DAB1: variants seen among roughly 807,000 people sequenced by gnomAD.
The protein encoded by DAB1 is disabled homolog 1.
A neutral mutation model predicts 64.6 loss-of-function variants in DAB1; 15 were observed. That is an observed-to-expected ratio of 0.23 (90% CI 0.16 to 0.36). The LOEUF (loss-of-function observed/expected upper bound fraction) is 0.36. Ranked by LOEUF, DAB1 falls within the 10% of genes least tolerant of loss-of-function variation. DAB1 has a pLI of 1.00. For synonymous variants in DAB1, 235 were observed against 251.9 expected (o/e 0.93, Z 0.64); for missense variants, 596 against 706.7 (o/e 0.84, Z 1.78).
chr1:58,503,282 C>T (rs1256234028), intron 3 of DAB1, among the ~76,000 whole-genome samples: 2 of 152,096 alleles, frequency 1.3e-5, no homozygotes, highest in Non-Finnish European at 2.9e-5. Flanking sequence ...GTCCCAGGGG[C>T]CTTGGATAGC....
At chr1:57,255,195 A>G (rs1476466560) in intron 2 of DAB1, among the ~76,000 whole-genome samples, 2 of 152,164 alleles carry the variant, frequency 1.3e-5, no homozygotes, top group Admixed American at 1.3e-4. Flanking sequence ...AAACCAATAA[A>G]TATGTCAGAA....
intron 7 of DAB1, among the ~76,000 whole-genome samples, chr1:57,576,229 A>G (rs1289360417): frequency 6.6e-6 from 1 of 152,208 alleles, no homozygotes. Context: ...TAATGTTCTG[A>G]GCACACATAA....
intron 6 of DAB1, among the ~76,000 whole-genome samples, chr1:57,746,604 G>T (rs1648282379): frequency 6.6e-6 from 1 of 152,046 alleles, no homozygotes; most frequent in African/African-American, 2.4e-5. Flanking sequence ...CCCCAAATCT[G>T]CAAATGCTCA....
At chr1:58,113,752 T>A (rs1652131069) in intron 5 of DAB1, among the ~76,000 whole-genome samples, 1 of 152,090 alleles carries the variant, frequency 6.6e-6, no homozygotes, top group African/African-American at 2.4e-5. Flanking sequence ...GTATAGAAGG[T>A]CCTTGAAGTA....
At chr1:58,261,021 A>G (rs1157492486) in intron 4 of DAB1, among the ~76,000 whole-genome samples, 3 of 152,226 alleles carry the variant, frequency 2.0e-5, no homozygotes, top group Non-Finnish European at 2.9e-5. Flanking sequence ...GCAATAATTT[A>G]TCACATAATT....
intron 4 of DAB1, among the ~76,000 whole-genome samples, chr1:58,226,544 A>T (rs1659495226): frequency 1.3e-5 from 2 of 152,174 alleles, no homozygotes; most frequent in African/African-American, 4.8e-5. Context: ...ACATGAATCT[A>T]CAGAGTAGCT....
intron 4 of DAB1, among the ~76,000 whole-genome samples, chr1:57,108,530 T>C (rs1400446170): frequency 2.0e-5 from 3 of 152,198 alleles, no homozygotes; most frequent in Non-Finnish European, 2.9e-5. Flanking sequence ...ATTACTCTTT[T>C]AGCTATTTAT....
At chr1:57,288,562 A>G (rs1284520305) in intron 2 of DAB1, among the ~76,000 whole-genome samples, 2 of 152,134 alleles carry the variant, frequency 1.3e-5, no homozygotes, top group Admixed American at 1.3e-4. Flanking sequence ...ATGAGCCAGG[A>G]AGAGAGCCCT....
At chr1:57,476,627 T>A (rs200353936) in intron 7 of DAB1, among the ~76,000 whole-genome samples, 3 of 152,330 alleles carry the variant, frequency 2.0e-5, no homozygotes, top group East Asian at 3.9e-4. Flanking sequence ...GTGCTGCACA[T>A]ATAAGTGCAT....
chr1:57,344,513 A>G (rs1677924054), intron 1 of DAB1, among the ~76,000 whole-genome samples: 1 of 152,072 alleles, frequency 6.6e-6, no homozygotes, highest in Admixed American at 6.5e-5. Flanking sequence ...GCTAAATTGT[A>G]CACAATTAGT....
chr1:58,530,837 G>A, intron 1 of DAB1: 1 of 650,592 alleles, frequency 1.5e-6, no homozygotes, highest in South Asian at 1.9e-5. Flanking sequence ...CTCCACCTAA[G>A]ACTGAGAGTT....
At chr1:58,206,134 C>T (rs907438526) in intron 4 of DAB1, among the ~76,000 whole-genome samples, 4 of 152,100 alleles carry the variant, frequency 2.6e-5, no homozygotes, top group East Asian at 1.9e-4. Flanking sequence ...CCAGGGTGGT[C>T]GAGGCACGGC....
intron 9 of DAB1, among the ~76,000 whole-genome samples, chr1:57,039,223 CA>C (rs1482696366): frequency 6.6e-6 from 1 of 152,038 alleles, no homozygotes; most frequent in Admixed American, 6.5e-5. Flanking sequence ...AGAGGGATAA[CA>C]ATGCTTACAA....
At chr1:57,508,914 A>G (rs761791787) in intron 7 of DAB1, among the ~76,000 whole-genome samples, 2 of 151,864 alleles carry the variant, frequency 1.3e-5, no homozygotes, top group Non-Finnish European at 2.9e-5. Flanking sequence ...AAACATTTAT[A>G]TATGCACATA....
chr1:57,846,455 CAA>C (rs71051260), intron 1 of DAB1, among the ~76,000 whole-genome samples: 10,094 of 113,450 alleles, frequency 0.089, 519 homozygotes, highest in Admixed American at 0.23. Flanking sequence ...AAGACTCCAT[CAA>C]AAAAAAAAAA....
intron 3 of DAB1, among the ~76,000 whole-genome samples, chr1:58,408,222 C>T (rs1007796802): frequency 1.3e-5 from 2 of 152,148 alleles, no homozygotes; most frequent in Admixed American, 1.3e-4. Flanking sequence ...TCATTTCTAC[C>T]TCGGGACCTT....
chr1:57,208,229 T>A (rs959356381), intron 2 of DAB1, among the ~76,000 whole-genome samples: 1 of 150,478 alleles, frequency 6.6e-6, no homozygotes, highest in Non-Finnish European at 1.5e-5. Context: ...ATTTATACAC[T>A]AATTTCTAAG....
chr1:57,319,011 C>G (rs1675458534), intron 1 of DAB1, among the ~76,000 whole-genome samples: 1 of 152,148 alleles, frequency 6.6e-6, no homozygotes, highest in South Asian at 2.1e-4. Context: ...TGCCCTCTAA[C>G]CACTGAGGGT....
intron 1 of DAB1, among the ~76,000 whole-genome samples, chr1:57,410,252 C>G (rs1014817246): frequency 6.6e-6 from 1 of 152,144 alleles, no homozygotes; most frequent in Non-Finnish European, 1.5e-5. Flanking sequence ...ACTTCCCCCT[C>G]TACTGTAAAA....
Sources: allele counts gnomAD v4.1 joint callset (sites outside exome capture counted in the v4.1 genomes callset), GRCh38; gene constraint gnomAD v4.1.1; transcripts MANE v1.5; gene names NCBI Gene and HGNC (gene_info 2026-07-23, HGNC 2026-07-21).